The following NLRP2 variants were observed in gnomAD, a reference collection of about 807,000 sequenced individuals.
The protein encoded by NLRP2 is NACHT, LRR and PYD domains-containing protein 2.
In NLRP2, 107 loss-of-function variants were observed where a neutral mutation model predicts 97.2. The observed-to-expected ratio is 1.10, with a 90% CI of 0.94 to 1.29. The LOEUF (loss-of-function observed/expected upper bound fraction) is 1.29, where lower values mean the gene tolerates loss of function less well. Ranked by LOEUF, NLRP2 falls within the 50% of genes most tolerant of loss-of-function variation. NLRP2 has a pLI of 0.00. For missense variants in NLRP2, 1,495 were observed against 1,330.3 expected, an observed-to-expected ratio of 1.12 and a Z score of -1.93; for synonymous variants, 663 against 551.5, an observed-to-expected ratio of 1.20 and a Z score of -2.83.
intron 3 of NLRP2, among the ~76,000 whole-genome samples, chr19:54,977,536 T>A (rs775899): frequency 0.28 from 41,728 of 149,960 alleles, 6,125 homozygotes; most frequent in East Asian, 0.38. Context: ...TTTCACACCA[T>A]GTGTTCTGAA....
intron 8 of NLRP2, among the ~76,000 whole-genome samples, chr19:54,988,927 T>C (rs1006660572): frequency 1.3e-5 from 2 of 152,070 alleles, no homozygotes; most frequent in Admixed American, 1.3e-4. Flanking sequence ...CCCAGTACTT[T>C]GGGAGGCCTA....
chr19:54,997,692 T>G (rs2072909946), intron 12 of NLRP2, among the ~76,000 whole-genome samples: 1 of 151,814 alleles, frequency 6.6e-6, no homozygotes, highest in South Asian at 2.1e-4. Flanking sequence ...TGACCTCAGG[T>G]GATCCGCCCG....
intron 8 of NLRP2, among the ~76,000 whole-genome samples, chr19:54,989,137 T>C (rs1445990705): frequency 6.6e-6 from 1 of 151,984 alleles, no homozygotes; most frequent in Non-Finnish European, 1.5e-5. Flanking sequence ...TTTGTATGTT[T>C]AGTAGAGCCG....
intron 1 of NLRP2, among the ~76,000 whole-genome samples, chr19:54,969,051 C>T (rs142835253): frequency 1.3e-5 from 2 of 152,258 alleles, no homozygotes; most frequent in East Asian, 3.9e-4. Flanking sequence ...TTTCTTGTCT[C>T]CTGGGTGATC....
At chr19:54,967,749 A>G (rs1369504080) in intron 1 of NLRP2, among the ~76,000 whole-genome samples, 1 of 151,872 alleles carries the variant, frequency 6.6e-6, no homozygotes, top group East Asian at 1.9e-4. Context: ...ACAAGAAGGT[A>G]TTGTTTTTTA....
At chr19:54,996,344 C>T (rs2072823554) in intron 11 of NLRP2, among the ~76,000 whole-genome samples, 1 of 151,972 alleles carries the variant, frequency 6.6e-6, no homozygotes, top group African/African-American at 2.4e-5. Context: ...AACCCTGTCT[C>T]TCTAAAACCA....
Position 54,983,518 on chromosome 19 carries a change from G to T in NLRP2, c.1820G>T (p.Gly607Val), listed in dbSNP as rs1226172199. 6.2e-7 allele frequency: 1 copy of T among 1,614,180 alleles called. No homozygotes were observed. Residue 607 changes from glycine (G) to valine (V), a missense_variant, in exon 6 of 13, where the codon GGC (glycine) becomes GTC (valine). Gly to Val is a moderately radical substitution (Grantham distance 109). Transcript: ENST00000448584. ...STVTDLQELLGCLYESQEEEL... is the reference protein window; with the variant it reads ...STVTDLQELLVCLYESQEEEL... Reference sequence around the variant, plus strand: ...GTGACAGACCTGCAGGAGCTCCTCGGCTGTCTGTACGAGTCTCAGGAGGAG... The same window carrying T: ...GTGACAGACCTGCAGGAGCTCCTCGTCTGTCTGTACGAGTCTCAGGAGGAG...
chr19:54,990,898 G>A (rs536656617), intron 10 of NLRP2: 11 of 571,456 alleles, frequency 1.9e-5, no homozygotes, highest in Admixed American at 3.3e-5. Context: ...GCTGGTTTTC[G>A]GGTTTTTTTT....
intron 2 of NLRP2, 135 bp downstream of exon 2, chr19:54,970,430 C>T (rs2070773417): frequency 2.1e-6 from 2 of 950,332 alleles, no homozygotes; most frequent in Middle Eastern, 2.4e-4. Flanking sequence ...GCGGTTGGAC[C>T]ACCTGAGGGT....
At chr19:54,978,161 CGATTCTCCT>C (rs1224332703) in intron 4 of NLRP2, among the ~76,000 whole-genome samples, 4 of 151,822 alleles carry the variant, frequency 2.6e-5, no homozygotes, top group African/African-American at 7.3e-5. Flanking sequence ...CAGGTTCAAG[CGATTCTCCT>C]GATTCTCCTG....
intron 8 of NLRP2, among the ~76,000 whole-genome samples, chr19:54,988,575 T>C (rs930710644): frequency 6.6e-6 from 1 of 152,068 alleles, no homozygotes; most frequent in African/African-American, 2.4e-5. Context: ...GTATATTTAG[T>C]AGAGCCGGGG....
At chr19:54,998,773 C>T (rs2073006364) in intron 12 of NLRP2, among the ~76,000 whole-genome samples, 1 of 150,238 alleles carries the variant, frequency 6.7e-6, no homozygotes, top group South Asian at 2.1e-4. Context: ...AGGCAGAGGA[C>T]CCTGCGGCCT....
chr19:54,978,751 G>A (rs533422542), intron 4 of NLRP2, among the ~76,000 whole-genome samples: 1 of 151,618 alleles, frequency 6.6e-6, no homozygotes, highest in East Asian at 2.0e-4. Context: ...GGAGGCTGAG[G>A]CAGGAGAATC....
Position 54,977,771 on chromosome 19 carries a change from AC to A in NLRP2, c.347del (p.Pro116HisfsTer3), listed in dbSNP as rs866485509. On this transcript the variant is annotated frameshift_variant, in exon 4 of 13. Coordinates refer to ENST00000448584, the MANE Select transcript of NLRP2 (RefSeq NM_017852.5). LOFTEE classifies it high-confidence loss of function. ...LSLGITRKER[P>X]PLDVDEMLER... The stretch of plus-strand genomic sequence containing the variant: ...CTCCAGGGATAACACGGAAAGAACG[AC>A]CACCTCTAGACGTGGACGAAATGCT... 94 of 1,613,692 alleles carry A rather than the reference AC, an allele frequency of 5.8e-5. No individual in the cohort carries two copies. Among genetic ancestry groups the A allele is most frequent in the Non-Finnish European group, 7.4e-5 (87 of 1,180,016 alleles).
In NLRP2 at chr19:54,970,388, C is replaced by A. The variant is rs199475707; in HGVS notation, c.280+93C>A. 1.1e-4 allele frequency: 160 copies of A among 1,470,912 alleles called. No homozygotes were observed. In the African/African-American group the frequency reaches 2.0e-3, roughly 19 times the overall value. 91.1% of individuals were successfully genotyped at this position (1,470,912 alleles called of 1,614,324 possible). ...TCAGAAGGCCAGGCGCGCTGGCTCA[C>A]GCCTGTCGTCCCAGCCCTTTGGGAG... On this transcript the variant is annotated intron_variant, in intron 2 of 12. Coordinates refer to ENST00000448584, the MANE Select transcript of NLRP2 (RefSeq NM_017852.5).
Position 54,979,270 on chromosome 19 carries a change from C to T in NLRP2, c.397+1447C>T, listed in dbSNP as rs73607903. Among the ~76,000 whole-genome samples, 416 of 152,168 alleles carry T rather than the reference C, an allele frequency of 2.7e-3. 1 individual carries two copies. The highest frequency in any genetic ancestry group is 9.6e-3 in the African/African-American group (399 of 41,528). On this transcript the variant is annotated intron_variant, in intron 4 of 12. Transcript: ENST00000448584. ...AAAGTGCTGGGATTACAGCTGTGAA[C>T]CACCGCACCTAGCCTGTGATCAGTT...
chr19:54,975,099 C>T (rs928083345), intron 3 of NLRP2, among the ~76,000 whole-genome samples: 1 of 118,444 alleles, frequency 8.4e-6, no homozygotes, highest in Admixed American at 1.0e-4. Context: ...CCACCACACC[C>T]GGTTTTGTTT....
Position 54,982,386 on chromosome 19 carries a change from T to G in NLRP2, c.688T>G (p.Trp230Gly), listed in dbSNP as rs775731182. 1.2e-6 allele frequency: 2 copies of G among 1,614,120 alleles called. No homozygotes were observed. Among genetic ancestry groups the G allele is most frequent in the South Asian group, 2.2e-5 (2 of 91,070 alleles). ...TTLAQKLMLD[W>G]AEDNLIHKFK... ...GCTGGCCCAGAAACTAATGCTAGACTGGGCAGAGGACAACCTCATCCACAA... is the reference window on the plus strand; with the variant it reads ...GCTGGCCCAGAAACTAATGCTAGACGGGGCAGAGGACAACCTCATCCACAA... Residue 230 changes from tryptophan to glycine, a missense_variant, in exon 6 of 13, where the codon TGG becomes GGG. Coordinates refer to ENST00000448584, the MANE Select transcript of NLRP2 (RefSeq NM_017852.5).
At position 54,983,498 on chromosome 19, in the gene NLRP2, A is replaced by C; in HGVS notation, c.1800A>C (p.Thr600=). The part of the protein sequence containing the change: ...ISCKGGHSTV[T]DLQELLGCLY... ...GTAAGGGTGGACATTCAACGGTGAC[A>C]GACCTGCAGGAGCTCCTCGGCTGTC... The change falls in exon 6 of 13, where the codon ACA becomes ACC. Residue 600 remains threonine (T), a synonymous_variant. Transcript: ENST00000448584. 6.2e-7 allele frequency: 1 copy of C among 1,614,206 alleles called. No homozygotes were observed. Among genetic ancestry groups the C allele is most frequent in the Non-Finnish European group, 8.5e-7 (1 of 1,180,038 alleles).
Sources: allele counts gnomAD v4.1 joint callset (sites outside exome capture counted in the v4.1 genomes callset), GRCh38; gene constraint gnomAD v4.1.1; transcripts MANE v1.5; gene names NCBI Gene and HGNC (gene_info 2026-07-23, HGNC 2026-07-21).